The following ITGB6 variants were observed in gnomAD, a reference collection of about 807,000 sequenced individuals.
The protein encoded by ITGB6 is integrin subunit beta 6.
Under a neutral mutation model 84.5 loss-of-function variants are expected in ITGB6, and 80 were observed. The observed-to-expected ratio is 0.95, with a 90% CI of 0.79 to 1.14. The LOEUF is 1.14. ITGB6 is among the 50% of genes most tolerant of loss of function. The probability of loss-of-function intolerance (pLI) is 0.00; values close to 1 mark genes in which losing one functional copy is unlikely to be tolerated. For synonymous variants in ITGB6, 383 were observed against 354.9 expected, an observed-to-expected ratio of 1.08 and a Z score of -0.89; for missense variants, 1,006 against 968.0, an observed-to-expected ratio of 1.04 and a Z score of -0.52.
At chr2:160,158,848 C>T (rs975996798) in intron 7 of ITGB6, among the ~76,000 whole-genome samples, 75 of 152,140 alleles carry the variant, frequency 4.9e-4, no homozygotes, top group African/African-American at 1.7e-3. Flanking sequence ...TGCCTGTAAT[C>T]CCAGCACTTT....
At chr2:160,114,587 A>T (rs1169896499) in intron 12 of ITGB6, among the ~76,000 whole-genome samples, 1 of 152,286 alleles carries the variant, frequency 6.6e-6, no homozygotes, top group South Asian at 2.1e-4. Flanking sequence ...AACGCAGAAG[A>T]TGGGTGATTT....
At chr2:160,126,068 TGGCTG>T in intron 11 of ITGB6, among the ~76,000 whole-genome samples, 1 of 152,278 alleles carries the variant, frequency 6.6e-6, no homozygotes, top group East Asian at 1.9e-4. Context: ...TCCTTCTGTG[TGGCTG>T]GTATTGTAAT....
intron 12 of ITGB6, among the ~76,000 whole-genome samples, chr2:160,121,611 C>T (rs761418556): frequency 1.2e-4 from 18 of 152,094 alleles, no homozygotes; most frequent in South Asian, 2.1e-4. Flanking sequence ...TGGCAAAACC[C>T]CATTTCTACA....
At chr2:160,124,901 G>A (rs1683177214) in intron 11 of ITGB6, among the ~76,000 whole-genome samples, 1 of 152,242 alleles carries the variant, frequency 6.6e-6, no homozygotes, top group African/African-American at 2.4e-5. Flanking sequence ...CCTTGGCATT[G>A]CAAATACATT....
intron 4 of ITGB6, among the ~76,000 whole-genome samples, chr2:160,174,835 T>C (rs991943069): frequency 6.6e-6 from 1 of 152,210 alleles, no homozygotes; most frequent in African/African-American, 2.4e-5. Flanking sequence ...ACTCAACACT[T>C]CTGAGCTTTG....
At chr2:160,130,266 G>A (rs1361983965) in intron 10 of ITGB6, among the ~76,000 whole-genome samples, 1 of 151,950 alleles carries the variant, frequency 6.6e-6, no homozygotes, top group East Asian at 1.9e-4. Flanking sequence ...GTACTGTGTT[G>A]TTGACAAAAT....
intron 8 of ITGB6, among the ~76,000 whole-genome samples, chr2:160,141,626 G>C (rs535405480): frequency 1.1e-3 from 175 of 152,238 alleles, no homozygotes; most frequent in Non-Finnish European, 1.9e-3. Context: ...ACATAACTCT[G>C]TCACTCACTG....
At chr2:160,161,498 C>A (rs1684813405) in intron 7 of ITGB6, among the ~76,000 whole-genome samples, 1 of 152,050 alleles carries the variant, frequency 6.6e-6, no homozygotes, top group Non-Finnish European at 1.5e-5. Context: ...ACCATGTTGG[C>A]CAGGCTGTTC....
rs1206136870 is a variant in ITGB6 at position 160,100,736 on chromosome 2, T to C, written c.*1000A>G. 1.3e-5 allele frequency: 2 copies of C among 152,238 alleles called. No homozygotes were observed. Among genetic ancestry groups the C allele is most frequent in the Admixed American group, 1.3e-4 (2 of 15,286 alleles). 9.4% of individuals were successfully genotyped at this position (152,238 alleles called of 1,614,324 possible). The stretch of plus-strand genomic sequence containing the variant: ...AAATGTGCAAGTTGGGTTACATAGA[T>C]GGGAAAAGAGTATGTATTAAAAAGC... On this transcript the variant is annotated 3_prime_UTR_variant, in exon 15 of 15. Transcript: ENST00000283249.
intron 12 of ITGB6, among the ~76,000 whole-genome samples, chr2:160,121,200 CAAT>C (rs1244001492): frequency 1.3e-5 from 2 of 152,102 alleles, no homozygotes; most frequent in Non-Finnish European, 2.9e-5. Flanking sequence ...AAACAAACAA[CAAT>C]GTTTCCCAAG....
At chr2:160,129,885 T>C (rs7579481) in intron 10 of ITGB6, among the ~76,000 whole-genome samples, 101,536 of 151,876 alleles carry the variant, frequency 0.67, 34,325 homozygotes, top group Admixed American at 0.74. Flanking sequence ...CTGATTTCTG[T>C]AGGTATGTGT....
chr2:160,153,365 T>C (rs1574093762), intron 7 of ITGB6, among the ~76,000 whole-genome samples: 2 of 152,194 alleles, frequency 1.3e-5, no homozygotes, highest in Non-Finnish European at 2.9e-5. Flanking sequence ...TAAATGGTGA[T>C]GGGAAAACTG....
At chr2:160,190,010 A>C (rs1339012089) in intron 4 of ITGB6, among the ~76,000 whole-genome samples, 1 of 152,190 alleles carries the variant, frequency 6.6e-6, no homozygotes, top group Non-Finnish European at 1.5e-5. Flanking sequence ...TACACCATGG[A>C]ATACTATGCA....
intron 6 of ITGB6, among the ~76,000 whole-genome samples, chr2:160,171,160 A>G (rs1001976620): frequency 1.3e-5 from 2 of 151,970 alleles, no homozygotes; most frequent in Non-Finnish European, 2.9e-5. Flanking sequence ...TTTCCAATTG[A>G]CATTAGAATT....
chr2:160,122,060 C>T (rs1044616081), intron 12 of ITGB6, among the ~76,000 whole-genome samples: 1 of 151,944 alleles, frequency 6.6e-6, no homozygotes, highest in Non-Finnish European at 1.5e-5. Flanking sequence ...TAAAAAGGCT[C>T]ATTAGAAAAG....
chr2:160,102,038 T>C (rs567003978), intron 14 of ITGB6, among the ~76,000 whole-genome samples: 1 of 152,334 alleles, frequency 6.6e-6, no homozygotes, highest in South Asian at 2.1e-4. Flanking sequence ...AAGTCCCATA[T>C]GTATATTCTA....
chr2:160,180,878 C>T (rs1011272383), intron 4 of ITGB6, among the ~76,000 whole-genome samples: 1 of 152,114 alleles, frequency 6.6e-6, no homozygotes, highest in East Asian at 1.9e-4. Flanking sequence ...ACCATGGAAG[C>T]GCAAGTGGTC....
In ITGB6 at chr2:160,105,243, CT is replaced by C. The variant is rs372765594; in HGVS notation, c.2268+2435del. Among the ~76,000 whole-genome samples, 1,328 of 151,954 alleles carry C rather than the reference CT, an allele frequency of 8.7e-3. 18 individuals carry two copies. The highest frequency in any genetic ancestry group is 0.03 in the African/African-American group (1,255 of 41,456). ...AAGGGAATAATATTTTCCATTTATG[CT>C]TTTTTTTCTGTTTAATGCATGTTCG... On this transcript the variant is annotated intron_variant, in intron 14 of 14. Coordinates refer to ENST00000283249, the MANE Select transcript of ITGB6 (RefSeq NM_000888.5).
intron 4 of ITGB6, among the ~76,000 whole-genome samples, chr2:160,187,684 A>G (rs1685959338): frequency 6.6e-6 from 1 of 152,202 alleles, no homozygotes. Flanking sequence ...TTAGAGCAGA[A>G]GGCCTGTTAA....
Sources: gnomAD v4.1 joint callset for allele counts (sites outside exome capture counted in the v4.1 genomes callset) on GRCh38, gnomAD v4.1.1 for gene constraint, MANE v1.5 for transcripts, NCBI Gene and HGNC (gene_info 2026-07-23, HGNC 2026-07-21) for gene names.